The following FAM184A variants were observed in gnomAD, a reference collection of about 807,000 sequenced individuals.
FAM184A encodes protein FAM184A.
FAM184A carries 99 observed loss-of-function variants against 143.8 expected under a neutral mutation model. The ratio of observed to expected loss-of-function variants is 0.69; its 90% CI spans 0.58 to 0.81. The LOEUF is 0.81. FAM184A is among the 40% of genes least tolerant of loss of function. The pLI, the probability that FAM184A is intolerant of heterozygous loss-of-function variation, is 0.00. For missense variants in FAM184A, 1,217 were observed against 1,310.5 expected, an observed-to-expected ratio of 0.93 and a Z score of 1.10; for synonymous variants, 427 against 446.4, an observed-to-expected ratio of 0.96 and a Z score of 0.55.
intron 3 of FAM184A, among the ~76,000 whole-genome samples, chr6:119,022,597 G>A (rs922466293): frequency 6.6e-5 from 10 of 152,040 alleles, no homozygotes; most frequent in African/African-American, 1.7e-4. Context: ...TGTTGGGGCC[G>A]AGCGTGGTGG....
At chr6:119,027,368 A>T (rs963149149) in intron 1 of FAM184A, among the ~76,000 whole-genome samples, 1 of 152,102 alleles carries the variant, frequency 6.6e-6, no homozygotes, top group Non-Finnish European at 1.5e-5. Context: ...ATTGACTGAG[A>T]CCTGTCTCAC....
chr6:119,057,043 G>A (rs1276640818), intron 1 of FAM184A, among the ~76,000 whole-genome samples: 1 of 152,124 alleles, frequency 6.6e-6, no homozygotes, highest in East Asian at 1.9e-4. Flanking sequence ...TTGAGCAGTA[G>A]GATATAAATA....
chr6:118,996,347 G>GAATTCA (rs1784546697), intron 9 of FAM184A, among the ~76,000 whole-genome samples: 1 of 152,170 alleles, frequency 6.6e-6, no homozygotes, highest in African/African-American at 2.4e-5. Context: ...AATTAACTTT[G>GAATTCA]AATTCAGGAC....
At chr6:118,997,649 T>C (rs557211406) in intron 9 of FAM184A, among the ~76,000 whole-genome samples, 1 of 152,096 alleles carries the variant, frequency 6.6e-6, no homozygotes, top group African/African-American at 2.4e-5. Context: ...TGGGCTGAGA[T>C]TGCACAACTG....
intron 1 of FAM184A, among the ~76,000 whole-genome samples, chr6:119,057,223 T>C (rs1325409278): frequency 6.6e-6 from 1 of 152,216 alleles, no homozygotes; most frequent in Non-Finnish European, 1.5e-5. Flanking sequence ...CTTGAAATTA[T>C]GGTCCTCTTT....
chr6:119,041,506 T>A (rs1041074202), intron 1 of FAM184A, among the ~76,000 whole-genome samples: 5 of 152,140 alleles, frequency 3.3e-5, no homozygotes, highest in African/African-American at 1.2e-4. Flanking sequence ...GGGACAATGA[T>A]CAGGATATAA....
In FAM184A at chr6:118,980,296, A is replaced by C. The variant is rs1783982966; in HGVS notation, c.2143T>G (p.Leu715Val). ...GTAAACTGGGCTTGCAGTTGTTGCA[A>C]AGAAGTCTGAGACTGGGAAAGCTGT... The part of the protein sequence containing the change: ...EIQLSQSQTS[L>V]QQLQAQFTQE... The change falls in exon 10 of 18, where the codon TTG (leucine) becomes GTG (valine). Residue 715 changes from leucine (L) to valine (V), a missense_variant. Leu to Val is a conservative substitution (Grantham distance 32). Transcript: ENST00000338891. 1 of 1,614,082 alleles carries C rather than the reference A, an allele frequency of 6.2e-7. No homozygotes were observed. The highest frequency in any genetic ancestry group is 1.3e-5 in the African/African-American group (1 of 75,028).
chr6:119,123,800 T>A (rs1789288340), intron 1 of FAM184A, among the ~76,000 whole-genome samples: 1 of 152,204 alleles, frequency 6.6e-6, no homozygotes, highest in Non-Finnish European at 1.5e-5. Flanking sequence ...GGTCACAGAA[T>A]CTTAAGAAAT....
At chr6:119,144,401 C>T (rs945831379) in intron 1 of FAM184A, among the ~76,000 whole-genome samples, 2 of 151,600 alleles carry the variant, frequency 1.3e-5, no homozygotes, top group Non-Finnish European at 2.9e-5. Flanking sequence ...TGGAAGCATT[C>T]ACAGAAAGGG....
chr6:119,090,086 C>T (rs1788329450), intron 1 of FAM184A, among the ~76,000 whole-genome samples: 1 of 152,190 alleles, frequency 6.6e-6, no homozygotes, highest in Non-Finnish European at 1.5e-5. Flanking sequence ...ACTGGTTTAT[C>T]CATCTACTTG....
At chr6:119,087,281 C>A (rs1387545864) in intron 1 of FAM184A, among the ~76,000 whole-genome samples, 1 of 152,050 alleles carries the variant, frequency 6.6e-6, no homozygotes, top group African/African-American at 2.4e-5. Context: ...TCAAAAGATA[C>A]TAACAAGAGA....
At chr6:119,094,997 C>A (rs1337887152) in intron 1 of FAM184A, among the ~76,000 whole-genome samples, 1 of 152,090 alleles carries the variant, frequency 6.6e-6, no homozygotes, top group African/African-American at 2.4e-5. Context: ...ATATAAGCTC[C>A]CACTGCTTCC....
chr6:119,018,229 A>G (rs1212947657), intron 4 of FAM184A, among the ~76,000 whole-genome samples: 5 of 152,202 alleles, frequency 3.3e-5, no homozygotes, highest in African/African-American at 1.2e-4. Context: ...AGAGAGAGAC[A>G]AAGACAGAGA....
chr6:119,008,980 T>C (rs1785009948), intron 6 of FAM184A, among the ~76,000 whole-genome samples: 1 of 152,178 alleles, frequency 6.6e-6, no homozygotes, highest in South Asian at 2.1e-4. Flanking sequence ...CTTTATATAC[T>C]AATTGAGAGA....
chr6:119,038,780 C>G (rs902965943), intron 1 of FAM184A, among the ~76,000 whole-genome samples: 7 of 152,112 alleles, frequency 4.6e-5, no homozygotes, highest in Non-Finnish European at 7.3e-5. Context: ...TGAGCGAGAT[C>G]CAGGAACCCT....
At chr6:118,963,490 A>C (rs1377831884) in intron 16 of FAM184A, 3 of 152,126 alleles carry the variant, frequency 2.0e-5, no homozygotes, top group Non-Finnish European at 4.4e-5. Flanking sequence ...AGATACAGCT[A>C]CATGCCACTA....
intron 1 of FAM184A, among the ~76,000 whole-genome samples, chr6:119,044,616 A>T (rs895490304): frequency 6.6e-6 from 1 of 152,120 alleles, no homozygotes; most frequent in Non-Finnish European, 1.5e-5. Flanking sequence ...ATCAACACAC[A>T]TCAATTATAA....
At chr6:119,105,493 T>C (rs1788755207) in intron 1 of FAM184A, among the ~76,000 whole-genome samples, 1 of 152,212 alleles carries the variant, frequency 6.6e-6, no homozygotes, top group African/African-American at 2.4e-5. Flanking sequence ...CCTTCCACCA[T>C]GATTCAGTTT....
chr6:118,991,070 GTAT>G (rs1295650960), intron 9 of FAM184A, among the ~76,000 whole-genome samples: 2 of 151,856 alleles, frequency 1.3e-5, no homozygotes, highest in African/African-American at 2.4e-5. Flanking sequence ...AAGGAAAAAA[GTAT>G]TATGATTTTT....
Sources: gnomAD v4.1 joint callset for allele counts (sites outside exome capture counted in the v4.1 genomes callset) on GRCh38, gnomAD v4.1.1 for gene constraint, MANE v1.5 for transcripts, NCBI Gene and HGNC (gene_info 2026-07-23, HGNC 2026-07-21) for gene names.